Variants in SLC25A25 observed in about 807,000 individuals in gnomAD.
SLC25A25 encodes the protein solute carrier family 25 member 25.
In SLC25A25, 32 loss-of-function variants were observed where a neutral mutation model predicts 57.7. The observed-to-expected ratio is 0.55, with a 90% CI of 0.42 to 0.74. The LOEUF (loss-of-function observed/expected upper bound fraction) is 0.74, where lower values mean the gene tolerates loss of function less well. Ranked by LOEUF, SLC25A25 falls within the 30% of genes least tolerant of loss-of-function variation. The pLI, the probability that SLC25A25 is intolerant of heterozygous loss-of-function variation, is 0.00. For missense variants in SLC25A25, 556 were observed against 701.3 expected, an observed-to-expected ratio of 0.79 and a Z score of 2.34; for synonymous variants, 306 against 291.2, an observed-to-expected ratio of 1.05 and a Z score of -0.52.
intron 1 of SLC25A25, among the ~76,000 whole-genome samples, chr9:128,083,503 T>TTC (rs1229212345): frequency 2.8e-5 from 2 of 71,428 alleles, no homozygotes; most frequent in Non-Finnish European, 7.1e-5. Context: ...TTCTTTTTTT[T>TTC]TTCTTTTTTC....
At chr9:128,073,837 C>G (rs1832954245) in intron 1 of SLC25A25, among the ~76,000 whole-genome samples, 1 of 151,500 alleles carries the variant, frequency 6.6e-6, no homozygotes, top group South Asian at 2.1e-4. Flanking sequence ...CCGGTTCAAG[C>G]AATTCTTTGC....
intron 1 of SLC25A25, among the ~76,000 whole-genome samples, chr9:128,079,735 G>A (rs566697642): frequency 1.3e-5 from 2 of 151,436 alleles, no homozygotes; most frequent in Admixed American, 6.6e-5. Flanking sequence ...GCTCACGCCT[G>A]TAATCCCAGC....
Position 128,101,471 on chromosome 9 carries a change from C to T in SLC25A25, c.476+75C>T. 6.6e-7 allele frequency: 1 copy of T among 1,522,014 alleles called. No individual in the cohort carries two copies. The highest frequency in any genetic ancestry group is 9.0e-7 in the Non-Finnish European group (1 of 1,107,464). 94.3% of individuals were successfully genotyped at this position (1,522,014 alleles called of 1,614,324 possible). On this transcript the variant is annotated intron_variant, in intron 3 of 10. Transcript: ENST00000373069. The surrounding 1 kb of genome is among the most constrained non-coding windows in gnomAD (Gnocchi z 4.9). ...GGCTCTGAGACTAACCCTCCGATGC[C>T]ATTCCCTGGGCTGACCCTGAACTTG...
chr9:128,099,696 C>T lies in SLC25A25; in HGVS notation c.262-1400C>T, dbSNP rs184653172. On this transcript the variant is annotated intron_variant, in intron 1 of 10. Transcript: ENST00000373069. This position sits in a 1 kb window ranked among gnomAD's most constrained non-coding sequence, Gnocchi z 6.8. ...GCCCCTCACATTAGCCTTTTGATCG[C>T]GCCAGGTCATGGGGTATCTGTTCAG... Among the ~76,000 whole-genome samples the T allele has an allele frequency of 1.1e-4, 16 of 152,324 alleles. No individual in the cohort carries two copies. The highest frequency in any genetic ancestry group is 4.6e-4 in the Admixed American group (7 of 15,298).
Position 128,107,568 on chromosome 9 carries a change from A to C in SLC25A25, c.*124A>C. The C allele has an allele frequency of 1.7e-6, 2 of 1,195,220 alleles. No homozygotes were observed. Among genetic ancestry groups the C allele is most frequent in the Non-Finnish European group, 2.2e-6 (2 of 893,380 alleles). The allele number at this position is 1,195,220 out of a possible 1,614,324, so 74.0% of individuals were successfully genotyped here. On this transcript the variant is annotated 3_prime_UTR_variant, in exon 11 of 11. Transcript: ENST00000373069. ...TCGAGCCAAGCTGTGAAAACCCTAGACGCACCCGCAGGGAGGGTGGGGAGA... is the reference window on the plus strand; with the variant it reads ...TCGAGCCAAGCTGTGAAAACCCTAGCCGCACCCGCAGGGAGGGTGGGGAGA...
intron 1 of SLC25A25, 141 bp downstream of exon 1, chr9:128,068,721 C>T: frequency 2.1e-6 from 2 of 943,308 alleles, no homozygotes; most frequent in Non-Finnish European, 2.8e-6. Flanking sequence ...TGAGGGACAC[C>T]CCACTTATGC....
At chr9:128,075,194 C>A (rs1359232074) in intron 1 of SLC25A25, among the ~76,000 whole-genome samples, 1 of 152,124 alleles carries the variant, frequency 6.6e-6, no homozygotes, top group African/African-American at 2.4e-5. Flanking sequence ...TGTAGTCTAG[C>A]TACTCGGGAG....
chr9:128,068,273 C>G lies in SLC25A25; in HGVS notation c.-47C>G. On this transcript the variant is annotated 5_prime_UTR_variant, in exon 1 of 11. Coordinates refer to ENST00000373069, the MANE Select transcript of SLC25A25 (RefSeq NM_001330988.2). ...GCCTCCCGCGCGGTCACCGCCGGCC[C>G]GCCGCCCCCGCTCCCGCCCGCGCCC... is the stretch of plus-strand genomic sequence containing the variant. 2 of 1,172,068 alleles carry G rather than the reference C, an allele frequency of 1.7e-6. No individual in the cohort carries two copies. The highest frequency in any genetic ancestry group is 1.1e-6 in the Non-Finnish European group (1 of 923,004). The allele number at this position is 1,172,068 out of a possible 1,614,324, so 72.6% of individuals were successfully genotyped here.
chr9:128,080,260 A>C (rs58582540), intron 1 of SLC25A25, among the ~76,000 whole-genome samples: 102,798 of 144,688 alleles, frequency 0.71, 37,992 homozygotes, highest in Non-Finnish European at 0.82. Context: ...CAAAAAAAAA[A>C]CCCACAAAAA....
chr9:128,096,325 A>G (rs1368302985), intron 1 of SLC25A25, among the ~76,000 whole-genome samples: 1 of 152,218 alleles, frequency 6.6e-6, no homozygotes, highest in Non-Finnish European at 1.5e-5. Context: ...CCTGGCCAAC[A>G]TGGTAAAACC....
intron 1 of SLC25A25, chr9:128,092,024 G>T (rs182524252): frequency 1.2e-6 from 2 of 1,613,880 alleles, no homozygotes; most frequent in African/African-American, 2.7e-5. Flanking sequence ...GGACGGAAGG[G>T]CTGAGGCCAC....
At chr9:128,086,076 C>G (rs1314821735) in intron 1 of SLC25A25, among the ~76,000 whole-genome samples, 2 of 151,758 alleles carry the variant, frequency 1.3e-5, no homozygotes, top group African/African-American at 4.8e-5. Context: ...GGAATATGTT[C>G]TGAGTGCACT....
intron 1 of SLC25A25, among the ~76,000 whole-genome samples, chr9:128,096,383 C>T (rs1276954118): frequency 6.6e-6 from 1 of 152,108 alleles, no homozygotes; most frequent in Non-Finnish European, 1.5e-5. Context: ...GTGGTGGGCG[C>T]CTATAATCTC....
Position 128,107,818 on chromosome 9 carries a change from C to T in SLC25A25, c.*374C>T. The T allele has an allele frequency of 2.5e-6, 1 of 406,208 alleles. No homozygotes were observed. Among genetic ancestry groups the T allele is most frequent in the Non-Finnish European group, 4.3e-6 (1 of 230,422 alleles). The allele number at this position is 406,208 out of a possible 1,614,324, so 25.2% of individuals were successfully genotyped here. A position where few individuals can be genotyped will look rare whatever the true frequency, so the allele number is the denominator to read the frequency against. On this transcript the variant is annotated 3_prime_UTR_variant, in exon 11 of 11. Coordinates refer to ENST00000373069, the MANE Select transcript of SLC25A25 (RefSeq NM_001330988.2). ...GCCAGCTGTTGGCCACGGCCCCTGC[C>T]CTCTGGTCTGCCGTGCATCTCCCTG...
chr9:128,091,594 T>G, intron 1 of SLC25A25: 1 of 1,114,372 alleles, frequency 9.0e-7, no homozygotes, highest in Non-Finnish European at 1.1e-6. Context: ...CACCATCACC[T>G]GCAGAAGTGA....
chr9:128,085,541 T>G (rs901808759), intron 1 of SLC25A25, among the ~76,000 whole-genome samples: 1 of 152,184 alleles, frequency 6.6e-6, no homozygotes, highest in Non-Finnish European at 1.5e-5. Context: ...ATTCCTGTCT[T>G]AGGTGCTGGT....
At chr9:128,104,820 T>C (rs1001828315) in intron 6 of SLC25A25, among the ~76,000 whole-genome samples, 1 of 137,990 alleles carries the variant, frequency 7.2e-6, no homozygotes, top group African/African-American at 2.9e-5. Flanking sequence ...TGAAAAACTT[T>C]GATTTTTAAA....
intron 6 of SLC25A25, among the ~76,000 whole-genome samples, chr9:128,104,316 T>A (rs1043396893): frequency 4.6e-5 from 7 of 152,224 alleles, no homozygotes; most frequent in African/African-American, 1.7e-4. Flanking sequence ...GACTTTGATG[T>A]CTGAATGGTG....
chr9:128,077,816 A>G (rs1465759918), intron 1 of SLC25A25, among the ~76,000 whole-genome samples: 2 of 152,056 alleles, frequency 1.3e-5, no homozygotes, highest in East Asian at 3.9e-4. Flanking sequence ...GAGGCTGGTC[A>G]GGAGTTCGAG....
Sources: allele counts gnomAD v4.1 joint callset (sites outside exome capture counted in the v4.1 genomes callset), GRCh38; gene constraint gnomAD v4.1.1; non-coding constraint Gnocchi (gnomAD v3.1); transcripts MANE v1.5; gene names NCBI Gene and HGNC (gene_info 2026-07-23, HGNC 2026-07-21).